GSE1: variants seen among roughly 807,000 people sequenced by gnomAD.
GSE1 encodes Gse1 coiled-coil protein.
A neutral mutation model predicts 112.6 loss-of-function variants in GSE1; 32 were observed. The observed-to-expected ratio is 0.28, with a 90% confidence interval of 0.21 to 0.38. The LOEUF (loss-of-function observed/expected upper bound fraction) is 0.38. GSE1 is among the 10% of genes least tolerant of loss of function. GSE1 has a pLI of 1.00. For missense variants in GSE1, 2,348 were observed against 1,699.2 expected (o/e 1.38, Z -6.71); for synonymous variants, 1,115 against 735.6 (o/e 1.52, Z -8.35).
chr16:85,440,824 G>A (rs1376168335), intron 2 of GSE1, among the ~76,000 whole-genome samples: 1 of 152,212 alleles, frequency 6.6e-6, no homozygotes, highest in African/African-American at 2.4e-5. Flanking sequence ...GTGAAGCCAG[G>A]CAGGCCACAT....
At chr16:85,394,596 C>G (rs1289138921) in intron 2 of GSE1, among the ~76,000 whole-genome samples, 2 of 152,206 alleles carry the variant, frequency 1.3e-5, no homozygotes, top group Non-Finnish European at 2.9e-5. Context: ...CACACACACA[C>G]GCACTCCTGT....
At chr16:85,666,439 TG>T (rs2052867707) in intron 13 of GSE1, 92 bp downstream of exon 13, 2 of 1,244,678 alleles carry the variant, frequency 1.6e-6, no homozygotes, top group Non-Finnish European at 2.3e-6. Context: ...CGTTCAGCCG[TG>T]GGCACAAGTT....
chr16:85,556,483 G>GT (rs143399310), intron 1 of GSE1: 3,142 of 229,900 alleles, frequency 0.014, 111 homozygotes, highest in African/African-American at 0.07. Flanking sequence ...GTCCGCCGGT[G>GT]CCCCCCGCAG....
intron 5 of GSE1, 140 bp from the exon 6 acceptor site, chr16:85,655,586 C>T (rs2051849259): frequency 1.7e-6 from 1 of 598,604 alleles, no homozygotes; most frequent in Non-Finnish European, 2.9e-6. Context: ...TAGCAGCAGG[C>T]ATGGTCTTCA....
chr16:85,219,055 A>G (rs563215968), intron 1 of GSE1, among the ~76,000 whole-genome samples: 1 of 152,040 alleles, frequency 6.6e-6, no homozygotes, highest in African/African-American at 2.4e-5. Context: ...AGTTTTTTGT[A>G]TTTTTAGTAG....
chr16:85,255,842 C>G (rs541457872), intron 1 of GSE1, among the ~76,000 whole-genome samples: 1 of 152,130 alleles, frequency 6.6e-6, no homozygotes, highest in Non-Finnish European at 1.5e-5. Context: ...GTGTGCATGA[C>G]CATGCCTGGC....
chr16:85,627,068 TTTTTTTTTA>T (rs2049140841), intron 1 of GSE1, among the ~76,000 whole-genome samples: 1 of 110,792 alleles, frequency 9.0e-6, no homozygotes, highest in Non-Finnish European at 1.8e-5. Flanking sequence ...TTTTTTTTTT[TTTTTTTTTA>T]AAGCATTGTG....
intron 1 of GSE1, among the ~76,000 whole-genome samples, chr16:85,184,793 T>A (rs1298490306): frequency 1.3e-5 from 2 of 152,254 alleles, no homozygotes; most frequent in Non-Finnish European, 2.9e-5. Context: ...ATTTCTAATT[T>A]AATTCTGTGA....
At chr16:85,645,312 G>A (rs114661108) in intron 2 of GSE1, among the ~76,000 whole-genome samples, 2,251 of 152,216 alleles carry the variant, frequency 0.015, 60 homozygotes, top group African/African-American at 0.052. Flanking sequence ...TGGGCAGTTC[G>A]GGGGTTGCTG....
At chr16:85,208,476 T>G (rs540346245) in intron 1 of GSE1, among the ~76,000 whole-genome samples, 64 of 152,298 alleles carry the variant, frequency 4.2e-4, no homozygotes, top group Non-Finnish European at 8.1e-4. Context: ...GACGCTGGCC[T>G]CCTGCTGCCT....
intron 15 of GSE1, chr16:85,672,067 C>G: frequency 7.1e-6 from 2 of 281,778 alleles, no homozygotes; most frequent in Non-Finnish European, 1.4e-5. Flanking sequence ...GGCGCAGTCT[C>G]GGCTCACTGC....
At position 85,672,640 on chromosome 16, in the gene GSE1, A is replaced by C; in HGVS notation, c.*101A>C. 4.8e-6 allele frequency: 4 copies of C among 834,582 alleles called. No homozygotes were observed. The highest frequency in any genetic ancestry group is 6.9e-6 in the Non-Finnish European group (4 of 576,592). The allele number at this position is 834,582 out of a possible 1,614,324, so 51.7% of individuals were successfully genotyped here. On this transcript the variant is annotated 3_prime_UTR_variant, in exon 16 of 16. Coordinates refer to ENST00000253458, the MANE Select transcript of GSE1 (RefSeq NM_014615.5). ...TTCACTGGGAGGTTTGAAGCTTACA[A>C]AATGAGAATGTGCCATGCATGAAGC...
chr16:85,413,037 G>C (rs898563766), intron 2 of GSE1, among the ~76,000 whole-genome samples: 1 of 152,186 alleles, frequency 6.6e-6, no homozygotes, highest in Non-Finnish European at 1.5e-5. Context: ...CTTCTGGAAG[G>C]TTCCGTGCTG....
chr16:85,523,118 G>A (rs1316872044), intron 2 of GSE1, among the ~76,000 whole-genome samples: 1 of 151,504 alleles, frequency 6.6e-6, no homozygotes, highest in Non-Finnish European at 1.5e-5. Context: ...GGTTGTGGTT[G>A]TGTGTGGCCT....
chr16:85,664,899 G>C, intron 11 of GSE1, 116 bp from the exon 12 acceptor site: 1 of 683,178 alleles, frequency 1.5e-6, no homozygotes, highest in Non-Finnish European at 2.6e-6. Flanking sequence ...ACCTGCTTTT[G>C]GTTTTTCGGG....
chr16:85,527,133 C>T lies in GSE1; in HGVS notation c.2465-106781C>T, dbSNP rs1054774964. 2.6e-5 allele frequency among the ~76,000 whole-genome samples: 4 copies of T among 152,208 alleles called. No homozygotes were observed. The East Asian group carries it at 7.7e-4, about 29-fold the overall frequency. ...CCACCTCCTCTGTCTTCCTGAGCAGCGGCCTGACTTGAAGCCCAGGGAGCT... is the reference window on the plus strand; with the variant it reads ...CCACCTCCTCTGTCTTCCTGAGCAGTGGCCTGACTTGAAGCCCAGGGAGCT... On this transcript the variant is annotated intron_variant, in intron 2 of 2. Coordinates refer to the GSE1 transcript ENST00000637419.
At chr16:85,247,580 GCCACTGCCA>G (rs59541416) in intron 1 of GSE1, among the ~76,000 whole-genome samples, 104 of 152,332 alleles carry the variant, frequency 6.8e-4, no homozygotes, top group African/African-American at 2.4e-3. Context: ...CCTGGCTCAA[GCCACTGCCA>G]CCACTGCCAC....
At chr16:85,500,297 G>C (rs976876228) in intron 2 of GSE1, among the ~76,000 whole-genome samples, 2 of 152,254 alleles carry the variant, frequency 1.3e-5, no homozygotes, top group Non-Finnish European at 2.9e-5. Context: ...AACCTCCAGA[G>C]AAGTGATAAA....
intron 1 of GSE1, among the ~76,000 whole-genome samples, chr16:85,173,166 A>G (rs553334678): frequency 1.4e-4 from 21 of 152,224 alleles, no homozygotes; most frequent in African/African-American, 5.1e-4. Context: ...CAAGTTTTGG[A>G]GCAAGACTGA....
Sources: allele counts gnomAD v4.1 joint callset (sites outside exome capture counted in the v4.1 genomes callset), GRCh38; gene constraint gnomAD v4.1.1; transcripts MANE v1.5; gene names NCBI Gene and HGNC (gene_info 2026-07-23, HGNC 2026-07-21).